Variants in STAU1 observed in about 807,000 individuals in gnomAD.
STAU1 encodes the protein staufen double-stranded RNA binding protein 1.
Under a neutral mutation model 62.9 loss-of-function variants are expected in STAU1, and 13 were observed. The ratio of observed to expected loss-of-function variants is 0.21; its 90% CI spans 0.13 to 0.33. The LOEUF is 0.33. Among genes scored for constraint, STAU1 ranks in the 10% least tolerant of loss-of-function variants. The probability of loss-of-function intolerance (pLI) is 1.00; values close to 1 mark genes in which losing one functional copy is unlikely to be tolerated. For synonymous variants in STAU1, 269 were observed against 265.1 expected (o/e 1.01, Z -0.14); for missense variants, 571 against 712.1 (o/e 0.80, Z 2.25).
the STAU1 span, among the ~76,000 whole-genome samples, chr20:49,206,454 C>T: frequency 1.9e-5 from 2 of 104,230 alleles, no homozygotes; most frequent in Admixed American, 1.4e-4. Context: ...CGGAGTCTTG[C>T]TCTGTCGCCC....
chr20:49,204,092 G>A, the STAU1 span, among the ~76,000 whole-genome samples: 3 of 151,796 alleles, frequency 2.0e-5, no homozygotes, highest in Non-Finnish European at 2.9e-5. Flanking sequence ...TGCAAATGAA[G>A]GTTTTCTAAA....
At chr20:49,209,331 C>G in the STAU1 span, among the ~76,000 whole-genome samples, 2 of 150,504 alleles carry the variant, frequency 1.3e-5, no homozygotes, top group Non-Finnish European at 2.9e-5. Context: ...CAGAGACAAA[C>G]TGAACATGCA....
chr20:49,166,245 C>T lies in STAU1; in HGVS notation c.-44G>A. 1 of 1,570,648 alleles carries T rather than the reference C, an allele frequency of 6.4e-7. No individual in the cohort carries two copies. Among genetic ancestry groups the T allele is most frequent in the African/African-American group, 1.3e-5 (1 of 74,134 alleles). On this transcript the variant is annotated 5_prime_UTR_variant, in exon 3 of 14. Coordinates refer to ENST00000371856, the MANE Select transcript of STAU1 (RefSeq NM_017453.4). Reference sequence around the variant, plus strand: ...TGAACAAATGCAGGTAAACAGCTTTCAGTGCAGGTTAATTCAGTGCTATGA... The same window carrying T: ...TGAACAAATGCAGGTAAACAGCTTTTAGTGCAGGTTAATTCAGTGCTATGA...
chr20:49,206,751 A>ATTTTTTTTTTTT, the STAU1 span, among the ~76,000 whole-genome samples: 11 of 95,032 alleles, frequency 1.2e-4, no homozygotes, highest in African/African-American at 3.4e-4. Context: ...ATATATATAT[A>ATTTTTTTTTTTT]TTTTATTTTA....
the STAU1 span, among the ~76,000 whole-genome samples, chr20:49,196,444 CAAA>C: frequency 3.3e-5 from 3 of 91,536 alleles, no homozygotes; most frequent in Non-Finnish European, 2.4e-5. Flanking sequence ...CAAAACAAAA[CAAA>C]AAAAAAAAAA....
At chr20:49,162,729 C>G (rs1222087480) in intron 3 of STAU1, among the ~76,000 whole-genome samples, 1 of 148,162 alleles carries the variant, frequency 6.7e-6, no homozygotes, top group Non-Finnish European at 1.5e-5. Context: ...TGAGCCGAGA[C>G]CATGCCACTG....
chr20:49,173,668 CCA>C (rs1443244663), intron 2 of STAU1, among the ~76,000 whole-genome samples: 3 of 152,262 alleles, frequency 2.0e-5, no homozygotes, highest in Middle Eastern at 3.4e-3. Context: ...CAGTATTAAC[CCA>C]CATAGTGTAT....
At chr20:49,125,660 C>T (rs888941646) in intron 6 of STAU1, among the ~76,000 whole-genome samples, 1 of 151,320 alleles carries the variant, frequency 6.6e-6, no homozygotes, top group Non-Finnish European at 1.5e-5. Flanking sequence ...TCCTGGCTAA[C>T]ATGGTGAAAC....
In STAU1 at chr20:49,116,461, A is replaced by C. The variant is rs140430395; in HGVS notation, c.1633-594T>G. 7.0e-3 allele frequency among the ~76,000 whole-genome samples: 1,064 copies of C among 152,158 alleles called. 15 individuals are homozygous for C. Among genetic ancestry groups the C allele is most frequent in the African/African-American group, 0.023 (975 of 41,506 alleles). On this transcript the variant is annotated intron_variant, in intron 12 of 13. Transcript: ENST00000371856. ...GCGATTCTCCTGCCTTGGCCTCCCA[A>C]GTAGCTGGGATTACAGGCACCCACC... is the stretch of plus-strand genomic sequence containing the variant.
upstream of STAU1, among the ~76,000 whole-genome samples, chr20:49,189,065 G>A (rs997700653): frequency 4.0e-5 from 6 of 151,702 alleles, no homozygotes; most frequent in Admixed American, 1.3e-4. Flanking sequence ...GCCGGGCGTG[G>A]TGGCGGGCGC....
intron 4 of STAU1, among the ~76,000 whole-genome samples, chr20:49,153,251 G>GAAA (rs71184266): frequency 1.0e-5 from 1 of 99,060 alleles, no homozygotes; most frequent in African/African-American, 3.9e-5. Flanking sequence ...CTCCGTCTCA[G>GAAA]AAAAAAAAAA....
chr20:49,125,435 C>T (rs1600634177), intron 6 of STAU1, among the ~76,000 whole-genome samples: 2 of 146,950 alleles, frequency 1.4e-5, no homozygotes, highest in Non-Finnish European at 3.0e-5. Flanking sequence ...GAGGCTGAGG[C>T]ACAAAAACCC....
intron 2 of STAU1, among the ~76,000 whole-genome samples, chr20:49,170,370 G>A (rs902135980): frequency 6.6e-6 from 1 of 151,856 alleles, no homozygotes; most frequent in Non-Finnish European, 1.5e-5. Flanking sequence ...TTTTTTTTCT[G>A]GAGACAGTCT....
chr20:49,196,998 C>CA, the STAU1 span, among the ~76,000 whole-genome samples: 103 of 151,556 alleles, frequency 6.8e-4, 2 homozygotes, highest in Non-Finnish European at 3.2e-4. Flanking sequence ...TACTAAAATA[C>CA]AAAAAAATTA....
chr20:49,125,892 G>A (rs536122372), intron 6 of STAU1, among the ~76,000 whole-genome samples: 1 of 152,070 alleles, frequency 6.6e-6, no homozygotes, highest in South Asian at 2.1e-4. Flanking sequence ...GAGGGATTAG[G>A]GTAGACAGAC....
chr20:49,213,417 A>G, the STAU1 span, among the ~76,000 whole-genome samples: 1 of 152,126 alleles, frequency 6.6e-6, no homozygotes, highest in East Asian at 1.9e-4. Flanking sequence ...TTTATTAGAG[A>G]TGGGGTTTCA....
rs2092272563 is a variant in STAU1, at chr20:49,114,756, A to G, written c.*122T>C. ...TGTTGTCTTCCCTGCTGCTGCCCAC[A>G]TCCTTTACCCACCGTGTCTCTCGGC... On this transcript the variant is annotated 3_prime_UTR_variant, in exon 14 of 14. Transcript: ENST00000371856. The G allele has an allele frequency of 1.1e-6, 1 of 924,754 alleles. No homozygotes were observed. Among genetic ancestry groups the G allele is most frequent in the South Asian group, 1.4e-5 (1 of 71,440 alleles). The allele number at this position is 924,754 out of a possible 1,614,324, so 57.3% of individuals were successfully genotyped here. A position where few individuals can be genotyped will look rare whatever the true frequency, so the allele number is the denominator to read the frequency against.
At chr20:49,195,819 C>T in the STAU1 span, among the ~76,000 whole-genome samples, 1 of 139,994 alleles carries the variant, frequency 7.1e-6, no homozygotes, top group Non-Finnish European at 1.5e-5. Context: ...AGGAGAATTG[C>T]TTGCACCCAG....
At chr20:49,119,181 T>TC (rs1221285265) in intron 9 of STAU1, among the ~76,000 whole-genome samples, 1 of 152,192 alleles carries the variant, frequency 6.6e-6, no homozygotes, top group African/African-American at 2.4e-5. Context: ...CACGAATTTT[T>TC]CTTTTTACGT....
Sources: allele counts gnomAD v4.1 joint callset (sites outside exome capture counted in the v4.1 genomes callset), GRCh38; gene constraint gnomAD v4.1.1; transcripts MANE v1.5; gene names NCBI Gene and HGNC (gene_info 2026-07-23, HGNC 2026-07-21).